Variants in ACSL3 observed in about 807,000 individuals in gnomAD.
The protein encoded by ACSL3 is acyl-CoA synthetase long chain family member 3, also known as fatty acid CoA ligase Acsl3.
ACSL3 carries 34 observed loss-of-function variants against 84.7 expected under a neutral mutation model. That is an observed-to-expected ratio of 0.40 (90% confidence interval 0.31 to 0.53). The LOEUF (loss-of-function observed/expected upper bound fraction) is 0.53. ACSL3 is among the 20% of genes least tolerant of loss of function. The probability of loss-of-function intolerance (pLI) is 0.48; values close to 1 mark genes in which losing one functional copy is unlikely to be tolerated. For missense variants in ACSL3, 680 were observed against 873.1 expected (o/e 0.78, Z 2.79); for synonymous variants, 315 against 299.4 (o/e 1.05, Z -0.54).
rs1425225097 is a variant in ACSL3, at chr2:222,944,163, T to C, written c.*2509T>C. On this transcript the variant is annotated 3_prime_UTR_variant, in exon 17 of 17. Coordinates refer to ENST00000357430, the MANE Select transcript of ACSL3 (RefSeq NM_004457.5). ...GTAGTATCTACTTTCTAAATACTACTTTGCTTTTCAGTAGTGGATTTGATA... is the reference window on the plus strand; with the variant it reads ...GTAGTATCTACTTTCTAAATACTACCTTGCTTTTCAGTAGTGGATTTGATA... The C allele has an allele frequency of 6.6e-6, 1 of 152,148 alleles. No homozygotes were observed. The highest frequency in any genetic ancestry group is 2.4e-5 in the African/African-American group (1 of 41,446). The allele number at this position is 152,148 out of a possible 1,614,324, so 9.4% of individuals were successfully genotyped here. A position where few individuals can be genotyped will look rare whatever the true frequency, so the allele number is the denominator to read the frequency against.
chr2:222,918,676 A>ATTTTCT (rs1696649376), intron 6 of ACSL3, among the ~76,000 whole-genome samples: 2 of 147,512 alleles, frequency 1.4e-5, no homozygotes, highest in African/African-American at 2.5e-5. Flanking sequence ...CAAAAAGAAA[A>ATTTTCT]TTTTGAACAA....
At chr2:222,912,726 C>T (rs1292829159) in intron 4 of ACSL3, among the ~76,000 whole-genome samples, 6 of 152,240 alleles carry the variant, frequency 3.9e-5, no homozygotes, top group East Asian at 1.9e-4. Context: ...AAGGCAGTGG[C>T]GATGACCCTG....
intron 1 of ACSL3, among the ~76,000 whole-genome samples, chr2:222,865,517 C>A (rs983214959): frequency 2.0e-5 from 3 of 152,176 alleles, no homozygotes; most frequent in African/African-American, 7.2e-5. Context: ...AAGGAGCTCA[C>A]AGTTCACCAC....
chr2:222,869,764 A>G (rs1695250677), intron 1 of ACSL3, among the ~76,000 whole-genome samples: 1 of 152,164 alleles, frequency 6.6e-6, no homozygotes, highest in Admixed American at 6.5e-5. Flanking sequence ...GAAGATTGGC[A>G]AATAAAACTG....
intron 14 of ACSL3, among the ~76,000 whole-genome samples, chr2:222,931,234 T>C (rs1003463395): frequency 2.0e-5 from 3 of 152,116 alleles, no homozygotes; most frequent in African/African-American, 7.2e-5. Flanking sequence ...AGGTTCTTTT[T>C]TTTTAAAAGT....
chr2:222,866,441 G>T (rs1343951746), intron 1 of ACSL3, among the ~76,000 whole-genome samples: 2 of 152,068 alleles, frequency 1.3e-5, no homozygotes, highest in Non-Finnish European at 2.9e-5. Flanking sequence ...CTACTGCGCT[G>T]ACTGCAAAAT....
chr2:222,890,614 G>A (rs547318962), intron 2 of ACSL3, among the ~76,000 whole-genome samples: 2 of 151,982 alleles, frequency 1.3e-5, no homozygotes, highest in African/African-American at 4.8e-5. Flanking sequence ...TTTCACCCTG[G>A]GGGAAAGAGA....
chr2:222,863,530 T>G (rs1462633216), intron 1 of ACSL3, among the ~76,000 whole-genome samples: 1 of 152,234 alleles, frequency 6.6e-6, no homozygotes, highest in Admixed American at 6.5e-5. Flanking sequence ...CCTCTAATAC[T>G]TTCTCCCACT....
chr2:222,904,363 T>C (rs1696238448), intron 3 of ACSL3, among the ~76,000 whole-genome samples: 1 of 152,202 alleles, frequency 6.6e-6, no homozygotes, highest in African/African-American at 2.4e-5. Flanking sequence ...ATTTCAACCT[T>C]GGAGGCAGAT....
intron 5 of ACSL3, among the ~76,000 whole-genome samples, chr2:222,916,964 C>G (rs1484655681): frequency 1.3e-5 from 2 of 151,794 alleles, no homozygotes; most frequent in Non-Finnish European, 2.9e-5. Flanking sequence ...TGAGATAGTT[C>G]TGGAAGCATA....
rs145425361 is a variant in ACSL3, at chr2:222,918,089, T to C, written c.600T>C (p.His200=). 28 of 1,612,784 alleles carry C rather than the reference T, an allele frequency of 1.7e-5. No individual in the cohort carries two copies. In the African/African-American group the frequency reaches 2.7e-4, roughly 15 times the overall value. Residue 200 remains histidine (H), a synonymous_variant, in exon 6 of 17, where the codon CAT becomes CAC. Coordinates refer to ENST00000357430, the MANE Select transcript of ACSL3 (RefSeq NM_004457.5). ...YATLGGPAIV[H]ALNETEVTNI... ...CTCTAGGAGGTCCAGCCATTGTTCA[T>C]GCATTAAATGAAACAGAGGTGACCA...
intron 1 of ACSL3, among the ~76,000 whole-genome samples, chr2:222,883,324 A>G (rs1695638291): frequency 6.6e-6 from 1 of 151,808 alleles, no homozygotes; most frequent in Admixed American, 6.6e-5. Flanking sequence ...AGCTGGGATT[A>G]CAGGCATGCG....
intron 12 of ACSL3, 86 bp downstream of exon 12, chr2:222,927,275 A>G: frequency 1.4e-6 from 2 of 1,410,782 alleles, no homozygotes. Context: ...ATATAGGAGA[A>G]GAGTAGTAAG....
In ACSL3 at chr2:222,887,396, C is replaced by T. The variant is rs545620882; in HGVS notation, c.-206-434C>T. ...TCAAACTGCTATGGACATGCATGTACAGGTGTTTTTGTAGACATATTTTCA... is the reference window on the plus strand; with the variant it reads ...TCAAACTGCTATGGACATGCATGTATAGGTGTTTTTGTAGACATATTTTCA... On this transcript the variant is annotated intron_variant, in intron 1 of 16. Coordinates refer to ENST00000357430, the MANE Select transcript of ACSL3 (RefSeq NM_004457.5). Among the ~76,000 whole-genome samples, 14 of 152,290 alleles carry T rather than the reference C, an allele frequency of 9.2e-5. No homozygotes were observed. The Middle Eastern group carries it at 0.01, about 111-fold the overall frequency.
chr2:222,930,331 A>T (rs1284132439), intron 13 of ACSL3, among the ~76,000 whole-genome samples: 1 of 151,944 alleles, frequency 6.6e-6, no homozygotes. Context: ...TCTTTCAAAT[A>T]ATTTGTCTCT....
At chr2:222,884,622 A>G (rs955759174) in intron 1 of ACSL3, among the ~76,000 whole-genome samples, 11 of 152,120 alleles carry the variant, frequency 7.2e-5, no homozygotes, top group African/African-American at 2.4e-4. Flanking sequence ...TGTGTGTCCA[A>G]TCTCCTTCTG....
At position 222,942,866 on chromosome 2, in the gene ACSL3, A is replaced by G. The variant is rs1030801952; in HGVS notation, c.*1212A>G. ...GATTTAATTCATAGGTTTTGATGTC[A>G]TTGTTGAAGTTATTTGTAATTCAGA... On this transcript the variant is annotated 3_prime_UTR_variant, in exon 17 of 17. Coordinates refer to ENST00000357430, the MANE Select transcript of ACSL3 (RefSeq NM_004457.5). 3 of 222,654 alleles carry G rather than the reference A, an allele frequency of 1.3e-5. No homozygotes were observed. Among genetic ancestry groups the G allele is most frequent in the African/African-American group, 4.5e-5 (2 of 44,664 alleles). 13.8% of individuals were successfully genotyped at this position (222,654 alleles called of 1,614,324 possible).
chr2:222,911,190 C>T (rs1451226535), intron 4 of ACSL3, among the ~76,000 whole-genome samples: 1 of 152,130 alleles, frequency 6.6e-6, no homozygotes, highest in Non-Finnish European at 1.5e-5. Flanking sequence ...GTTGGGATTA[C>T]AGGCATGCGC....
intron 4 of ACSL3, among the ~76,000 whole-genome samples, chr2:222,912,189 G>T (rs1466316791): frequency 6.6e-6 from 1 of 152,246 alleles, no homozygotes; most frequent in African/African-American, 2.4e-5. Flanking sequence ...CAAGAAGAAA[G>T]TGTGCAGTGT....
Sources: gnomAD v4.1 joint callset for allele counts (sites outside exome capture counted in the v4.1 genomes callset) on GRCh38, gnomAD v4.1.1 for gene constraint, MANE v1.5 for transcripts, NCBI Gene and HGNC (gene_info 2026-07-23, HGNC 2026-07-21) for gene names.